LHFPL3: variants seen among roughly 807,000 people sequenced by gnomAD.
The protein encoded by LHFPL3 is LHFPL tetraspan subfamily member 3 protein.
A neutral mutation model predicts 19.3 loss-of-function variants in LHFPL3; 5 were observed. The ratio of observed to expected loss-of-function variants is 0.26; its 90% CI spans 0.14 to 0.54. The LOEUF (loss-of-function observed/expected upper bound fraction) is 0.54. Among genes scored for constraint, LHFPL3 ranks in the 20% least tolerant of loss-of-function variants. The pLI is 0.94. For synonymous variants in LHFPL3, 133 were observed against 126.2 expected (o/e 1.05, Z -0.36); for missense variants, 249 against 307.4 (o/e 0.81, Z 1.42).
intron 1 of LHFPL3, among the ~76,000 whole-genome samples, chr7:104,467,117 G>A (rs1045019521): frequency 6.6e-6 from 1 of 151,986 alleles, no homozygotes; most frequent in East Asian, 1.9e-4. Flanking sequence ...AAGTTCAATA[G>A]CACCTACAGT....
intron 1 of LHFPL3, 73 bp from the exon 2 acceptor site, chr7:104,736,602 G>C: frequency 1.0e-6 from 1 of 959,994 alleles, no homozygotes; most frequent in Non-Finnish European, 1.6e-6. Context: ...ACAGACAGTG[G>C]AAACATTTGC....
At chr7:104,799,025 C>T (rs76992973) in intron 2 of LHFPL3, among the ~76,000 whole-genome samples, 2,062 of 152,224 alleles carry the variant, frequency 0.014, 45 homozygotes, top group African/African-American at 0.045. Context: ...ATTTTTATTA[C>T]CGCATTCAAA....
intron 1 of LHFPL3, among the ~76,000 whole-genome samples, chr7:104,386,001 CA>C (rs1790935182): frequency 6.6e-6 from 1 of 151,688 alleles, no homozygotes; most frequent in African/African-American, 2.4e-5. Flanking sequence ...CAAAGGCTTA[CA>C]AAAATGTAAG....
At chr7:104,593,680 C>G (rs1187373061) in intron 1 of LHFPL3, among the ~76,000 whole-genome samples, 1 of 152,144 alleles carries the variant, frequency 6.6e-6, no homozygotes, top group Non-Finnish European at 1.5e-5. Context: ...GTCTAAGTCT[C>G]TTTGTAGGTC....
chr7:104,591,379 A>C (rs995636620), intron 1 of LHFPL3, among the ~76,000 whole-genome samples: 1 of 152,298 alleles, frequency 6.6e-6, no homozygotes, highest in African/African-American at 2.4e-5. Context: ...TATGAAGCTT[A>C]GTTTGGCTGG....
chr7:104,799,118 C>T (rs182313296), intron 2 of LHFPL3, among the ~76,000 whole-genome samples: 114 of 152,338 alleles, frequency 7.5e-4, no homozygotes, highest in African/African-American at 2.5e-3. Context: ...AAATGTGTTA[C>T]AACTGCCTAG....
chr7:104,558,128 G>A (rs1382119903), intron 1 of LHFPL3, among the ~76,000 whole-genome samples: 18 of 150,498 alleles, frequency 1.2e-4, no homozygotes, highest in South Asian at 2.1e-4. Context: ...GAATAATGCC[G>A]CAATAAACAT....
intron 1 of LHFPL3, among the ~76,000 whole-genome samples, chr7:104,588,608 T>A (rs1027305113): frequency 6.6e-6 from 1 of 152,208 alleles, no homozygotes; most frequent in Non-Finnish European, 1.5e-5. Flanking sequence ...AGGCTCTTTT[T>A]TGGTTCCATA....
chr7:104,338,741 T>C (rs1789887172), intron 1 of LHFPL3, among the ~76,000 whole-genome samples: 1 of 152,178 alleles, frequency 6.6e-6, no homozygotes, highest in African/African-American at 2.4e-5. Flanking sequence ...AAATTGTAGG[T>C]TGATTGAAAA....
chr7:104,399,076 A>G lies in LHFPL3; in HGVS notation c.445+69852A>G, dbSNP rs1791256145. Among the ~76,000 whole-genome samples the G allele has an allele frequency of 6.6e-6, 1 of 152,122 alleles. No individual in the cohort carries two copies. The highest frequency in any genetic ancestry group is 1.5e-5 in the Non-Finnish European group (1 of 68,018). On this transcript the variant is annotated intron_variant, in intron 1 of 2. Coordinates refer to ENST00000424859, the MANE Select transcript of LHFPL3 (RefSeq NM_199000.3). This position sits in a 1 kb window ranked among gnomAD's most constrained non-coding sequence, Gnocchi z 4.4. ...GGAGGGCAAACGCTAGTTTCCAGAA[A>G]GTTCCTGTGTGCTACTGAAAGACAC...
At chr7:104,597,940 C>G (rs1288256777) in intron 1 of LHFPL3, among the ~76,000 whole-genome samples, 1 of 152,174 alleles carries the variant, frequency 6.6e-6, no homozygotes, top group African/African-American at 2.4e-5. Flanking sequence ...GCCCCTATCA[C>G]AGCAACATGA....
At chr7:104,738,823 G>A (rs536765740) in intron 2 of LHFPL3, 8 of 152,192 alleles carry the variant, frequency 5.3e-5, no homozygotes, top group East Asian at 1.9e-4. Context: ...ATCGTGTTCC[G>A]TCAGTGATAT....
intron 1 of LHFPL3, among the ~76,000 whole-genome samples, chr7:104,606,603 AAACCATGT>A (rs1221016682): frequency 6.6e-6 from 1 of 152,230 alleles, no homozygotes; most frequent in African/African-American, 2.4e-5. Flanking sequence ...GGGACTTTGA[AAACCATGT>A]AATTGGCCAA....
chr7:104,890,818 T>C (rs1792230214), intron 2 of LHFPL3, among the ~76,000 whole-genome samples: 1 of 152,100 alleles, frequency 6.6e-6, no homozygotes, highest in African/African-American at 2.4e-5. Context: ...GAGGGGGCTA[T>C]GAAGAGGACA....
intron 1 of LHFPL3, among the ~76,000 whole-genome samples, chr7:104,699,015 T>C (rs1407289882): frequency 2.6e-5 from 4 of 152,220 alleles, no homozygotes; most frequent in Non-Finnish European, 5.9e-5. Context: ...GTATAATTGG[T>C]ATTATTTTTT....
At chr7:104,576,511 A>T (rs139872542) in intron 1 of LHFPL3, among the ~76,000 whole-genome samples, 1 of 152,154 alleles carries the variant, frequency 6.6e-6, no homozygotes, top group African/African-American at 2.4e-5. Context: ...TGGCATTGCT[A>T]TTAGTTCTTA....
At chr7:104,497,350 C>T (rs1014893283) in intron 1 of LHFPL3, among the ~76,000 whole-genome samples, 1 of 149,270 alleles carries the variant, frequency 6.7e-6, no homozygotes, top group Non-Finnish European at 1.5e-5. Context: ...TAGGTTTCAG[C>T]TCCAAAAGTA....
chr7:104,568,560 G>C (rs1045369592), intron 1 of LHFPL3, among the ~76,000 whole-genome samples: 1 of 152,146 alleles, frequency 6.6e-6, no homozygotes, highest in East Asian at 1.9e-4. Context: ...CCAGTCTACT[G>C]TTCTTTCCAT....
At chr7:104,660,433 A>AT (rs1562960095) in intron 1 of LHFPL3, among the ~76,000 whole-genome samples, 2 of 152,138 alleles carry the variant, frequency 1.3e-5, no homozygotes, top group South Asian at 2.1e-4. Context: ...AAAATAATGG[A>AT]TTTTTTCCTC....
Sources: allele counts gnomAD v4.1 joint callset (sites outside exome capture counted in the v4.1 genomes callset), GRCh38; gene constraint gnomAD v4.1.1; non-coding constraint Gnocchi (gnomAD v3.1); transcripts MANE v1.5; gene names NCBI Gene and HGNC (gene_info 2026-07-23, HGNC 2026-07-21).